LINGO2: variants seen among roughly 807,000 people sequenced by gnomAD.
The protein encoded by LINGO2 is leucine-rich repeat and immunoglobulin-like domain-containing nogo receptor-interacting protein 2.
In LINGO2, 14 loss-of-function variants were observed where a neutral mutation model predicts 30.6. The ratio of observed to expected loss-of-function variants is 0.46; its 90% CI spans 0.30 to 0.72. The LOEUF is 0.72. LINGO2 is among the 30% of genes least tolerant of loss of function. The pLI, the probability that LINGO2 is intolerant of heterozygous loss-of-function variation, is 0.07. For synonymous variants in LINGO2, 317 were observed against 288.5 expected (o/e 1.10, Z -1.00); for missense variants, 729 against 751.7 (o/e 0.97, Z 0.35).
chr9:28,463,438 A>G (rs1382798948), intron 2 of LINGO2, among the ~76,000 whole-genome samples: 1 of 152,088 alleles, frequency 6.6e-6, no homozygotes, highest in Non-Finnish European at 1.5e-5. Flanking sequence ...AAAAGTGTTC[A>G]CCTGTCTTCC....
At chr9:28,977,091 T>C in the LINGO2 span, among the ~76,000 whole-genome samples, 5 of 152,160 alleles carry the variant, frequency 3.3e-5, no homozygotes, top group African/African-American at 1.2e-4. Flanking sequence ...CTGTAACTTA[T>C]ATGAATAATT....
intron 1 of LINGO2, among the ~76,000 whole-genome samples, chr9:28,633,259 T>C (rs1478277579): frequency 1.3e-5 from 2 of 152,102 alleles, no homozygotes; most frequent in Admixed American, 6.6e-5. Flanking sequence ...ATTAATACTT[T>C]GTATCCCTCA....
At chr9:28,804,307 TC>T in the LINGO2 span, among the ~76,000 whole-genome samples, 1 of 152,012 alleles carries the variant, frequency 6.6e-6, no homozygotes, top group Admixed American at 6.6e-5. Context: ...TTGATGTCCA[TC>T]GAAAGGAACA....
chr9:29,074,306 TTGATA>T, the LINGO2 span, among the ~76,000 whole-genome samples: 4 of 152,196 alleles, frequency 2.6e-5, no homozygotes, highest in African/African-American at 9.6e-5. Context: ...GTCTTATCTA[TTGATA>T]TAACATAGAA....
rs114500165 is a variant in LINGO2, at chr9:28,298,240, C to A, written c.-245-2874G>T. ...TTAGATAGTAGGTGACTTTTTTTTA[C>A]TAAAATCAATATGATTTCCAAAGGA... On this transcript the variant is annotated intron_variant, in intron 3 of 5. Coordinates refer to ENST00000379992, the Ensembl canonical transcript of LINGO2. Among the ~76,000 whole-genome samples the A allele has an allele frequency of 1.7e-3, 261 of 151,892 alleles. 2 individuals carry two copies. The highest frequency in any genetic ancestry group is 5.9e-3 in the African/African-American group (245 of 41,476).
chr9:29,188,775 G>A, the LINGO2 span, among the ~76,000 whole-genome samples: 1 of 140,592 alleles, frequency 7.1e-6, no homozygotes, highest in South Asian at 2.2e-4. Flanking sequence ...CAGTAGGGGC[G>A]GCCGGGCAGA....
chr9:28,880,773 A>C, the LINGO2 span, among the ~76,000 whole-genome samples: 341 of 152,294 alleles, frequency 2.2e-3, no homozygotes, highest in African/African-American at 7.7e-3. Context: ...CATTTGTTCA[A>C]TTCTAAGATA....
chr9:28,774,965 T>C, the LINGO2 span, among the ~76,000 whole-genome samples: 6 of 148,166 alleles, frequency 4.0e-5, no homozygotes, highest in African/African-American at 1.3e-4. Flanking sequence ...AATCGTCGAA[T>C]AAGTAAATTG....
At chr9:29,187,780 A>ATTT in the LINGO2 span, among the ~76,000 whole-genome samples, 340 of 118,780 alleles carry the variant, frequency 2.9e-3, 4 homozygotes, top group Admixed American at 7.8e-3. Context: ...ATACATTTCA[A>ATTT]TTTTTTTTTT....
Position 28,226,660 on chromosome 9 carries a change from AAAGAAAGAAAGAAAG to A in LINGO2, c.-87+68533_-87+68547del, listed in dbSNP as rs1405373518. Among the ~76,000 whole-genome samples, 7 of 89,196 alleles carry A rather than the reference AAAGAAAGAAAGAAAG, an allele frequency of 7.8e-5. No individual in the cohort carries two copies. The South Asian group carries it at 2.3e-3, about 29-fold the overall frequency. 58.5% of individuals were successfully genotyped at this position (89,196 alleles called of 152,430 possible). A position where few individuals can be genotyped will look rare whatever the true frequency, so the allele number is the denominator to read the frequency against. Reference sequence around the variant, plus strand: ...GAAAGAAGGAAAGAAAGAAAGAAAGAAAGAAAGAAAGAAAGAAAGAAAGAAAGAAAGAAAGAAAGA... The same window carrying A: ...GAAAGAAGGAAAGAAAGAAAGAAAGAAAAGAAAGAAAGAAAGAAAGAAAGA... On this transcript the variant is annotated intron_variant, in intron 4 of 5. Coordinates refer to ENST00000379992, the Ensembl canonical transcript of LINGO2.
intron 1 of LINGO2, among the ~76,000 whole-genome samples, chr9:28,565,559 ATTAT>A (rs2065741745): frequency 6.7e-6 from 1 of 149,252 alleles, no homozygotes; most frequent in African/African-American, 2.5e-5. Flanking sequence ...AGGCAAAAGA[ATTAT>A]TTTTTTGAGA....
intron 4 of LINGO2, among the ~76,000 whole-genome samples, chr9:28,056,993 T>C (rs905947015): frequency 6.6e-6 from 1 of 152,134 alleles, no homozygotes; most frequent in Non-Finnish European, 1.5e-5. Context: ...ACACTTTCCA[T>C]AGTGTTGATG....
At chr9:28,226,636 AAAG>A (rs1821161874) in intron 4 of LINGO2, among the ~76,000 whole-genome samples, 1 of 64,712 alleles carries the variant, frequency 1.5e-5, no homozygotes, top group East Asian at 6.4e-4. Context: ...GGAAAGAAGG[AAAG>A]AAGGAAAGAA....
chr9:29,108,350 T>C, the LINGO2 span, among the ~76,000 whole-genome samples: 1 of 152,122 alleles, frequency 6.6e-6, no homozygotes, highest in Middle Eastern at 3.2e-3. Flanking sequence ...AAAGTAAGCA[T>C]GTTCCAAGTA....
chr9:28,637,297 C>T lies in LINGO2; in HGVS notation c.-365+32903G>A, dbSNP rs139069960. On this transcript the variant is annotated intron_variant, in intron 1 of 5. Transcript: ENST00000379992. The stretch of plus-strand genomic sequence containing the variant: ...TTCTTTTGGCTTAGGATTGACTTGG[C>T]GATGCGGGCTCTTTTTTGGTTGCAT... Among the ~76,000 whole-genome samples, 298 of 152,142 alleles carry T rather than the reference C, an allele frequency of 2.0e-3. 1 individual carries two copies. Among genetic ancestry groups the T allele is most frequent in the African/African-American group, 5.9e-3 (246 of 41,518 alleles).
At chr9:28,857,997 T>G in the LINGO2 span, among the ~76,000 whole-genome samples, 1 of 151,942 alleles carries the variant, frequency 6.6e-6, no homozygotes, top group Non-Finnish European at 1.5e-5. Context: ...TCTATCCCAT[T>G]TGGTCTCTGG....
At chr9:28,876,028 G>T in the LINGO2 span, among the ~76,000 whole-genome samples, 1 of 151,864 alleles carries the variant, frequency 6.6e-6, no homozygotes, top group Non-Finnish European at 1.5e-5. Flanking sequence ...AGTATACCAA[G>T]AATATTAAAC....
At chr9:28,323,297 G>C (rs556090560) in intron 3 of LINGO2, among the ~76,000 whole-genome samples, 7 of 152,230 alleles carry the variant, frequency 4.6e-5, no homozygotes, top group Middle Eastern at 3.4e-3. Flanking sequence ...TATTTGCTCT[G>C]ATAAAGTAAT....
At chr9:28,679,555 G>A in the LINGO2 span, among the ~76,000 whole-genome samples, 8 of 151,964 alleles carry the variant, frequency 5.3e-5, no homozygotes, top group East Asian at 5.8e-4. Flanking sequence ...ACTGGCATAC[G>A]AAAAGCTGTA....
Sources: allele counts gnomAD v4.1 joint callset (sites outside exome capture counted in the v4.1 genomes callset), GRCh38; gene constraint gnomAD v4.1.1; transcripts MANE v1.5; gene names NCBI Gene and HGNC (gene_info 2026-07-23, HGNC 2026-07-21).